The following ABHD3 variants were observed in gnomAD, a reference collection of about 807,000 sequenced individuals.
ABHD3 encodes abhydrolase domain containing 3, phospholipase.
ABHD3 carries 46 observed loss-of-function variants against 48.8 expected under a neutral mutation model. That is an observed-to-expected ratio of 0.94 (90% CI 0.74 to 1.20). The LOEUF is 1.20. ABHD3 is among the 50% of genes most tolerant of loss of function. ABHD3 has a pLI of 0.00. For synonymous variants in ABHD3, 192 were observed against 183.7 expected (o/e 1.04, Z -0.36); for missense variants, 490 against 497.8 (o/e 0.98, Z 0.15).
chr18:21,675,968 GAA>G lies in ABHD3; in HGVS notation c.555+7950_555+7951del, dbSNP rs569876733. On this transcript the variant is annotated intron_variant, in intron 4 of 8. Coordinates refer to ENST00000289119, the MANE Select transcript of ABHD3 (RefSeq NM_138340.5). Reference sequence around the variant, plus strand: ...ATTAATGGCAATGTATTATATACTTGAAAGTCTTCCCATGGTGGAGGGAGAAA... The same window carrying G: ...ATTAATGGCAATGTATTATATACTTGAGTCTTCCCATGGTGGAGGGAGAAA... 7.2e-3 allele frequency among the ~76,000 whole-genome samples: 1,092 copies of G among 152,230 alleles called. 7 individuals are homozygous for G. The highest frequency in any genetic ancestry group is 0.011 in the Non-Finnish European group (745 of 68,002).
intron 3 of ABHD3, among the ~76,000 whole-genome samples, chr18:21,684,777 C>T (rs796976901): frequency 5.9e-5 from 9 of 152,322 alleles, no homozygotes; most frequent in African/African-American, 2.2e-4. Flanking sequence ...GTAAACATCA[C>T]AGGTGAGCCA....
chr18:21,659,183 A>G lies in ABHD3; in HGVS notation c.829T>C (p.Ser277Pro). 2 of 1,613,264 alleles carry G rather than the reference A, an allele frequency of 1.2e-6. No individual in the cohort carries two copies. The highest frequency in any genetic ancestry group is 1.7e-6 in the Non-Finnish European group (2 of 1,179,770). Residue 277 changes from serine (S) to proline (P), a missense_variant, in exon 6 of 9, where the codon TCT (serine) becomes CCT (proline). Physicochemically the swap from Ser to Pro is moderately conservative, Grantham distance 74. Coordinates refer to ENST00000289119, the MANE Select transcript of ABHD3 (RefSeq NM_138340.5). ...FNYYLTTCLQ[S>P]SVNKHRHMFV... Reference sequence around the variant, plus strand: ...AAGATGACTCACTTATTAACTGAAGACTGAAGGCAGGTTGTCAAATAGTAA... The same window carrying G: ...AAGATGACTCACTTATTAACTGAAGGCTGAAGGCAGGTTGTCAAATAGTAA...
chr18:21,670,890 T>C (rs2039742464), intron 4 of ABHD3, among the ~76,000 whole-genome samples: 1 of 152,166 alleles, frequency 6.6e-6, no homozygotes, highest in Non-Finnish European at 1.5e-5. Flanking sequence ...GGCACATGCC[T>C]GTCATCCCAA....
At chr18:21,665,811 CAA>C (rs1260329047) in intron 4 of ABHD3, among the ~76,000 whole-genome samples, 16 of 106,318 alleles carry the variant, frequency 1.5e-4, no homozygotes, top group Admixed American at 4.0e-4. Context: ...GACTCCATCT[CAA>C]AAAAAAAAAA....
intron 8 of ABHD3, 112 bp from the exon 9 acceptor site, chr18:21,651,875 AT>A: frequency 1.1e-6 from 1 of 910,074 alleles, no homozygotes; most frequent in South Asian, 2.0e-5. Context: ...ATAAACAGAA[AT>A]CAAAACACCA....
intron 2 of ABHD3, 62 bp from the exon 3 acceptor site, chr18:21,702,560 A>T (rs202009123): frequency 4.4e-6 from 4 of 900,346 alleles, no homozygotes; most frequent in Non-Finnish European, 6.0e-6. Context: ...CTTAATTTTA[A>T]TTCTAAACAC....
intron 3 of ABHD3, among the ~76,000 whole-genome samples, chr18:21,700,090 T>A (rs901494084): frequency 1.1e-4 from 17 of 149,758 alleles, no homozygotes; most frequent in African/African-American, 4.1e-4. Flanking sequence ...TTATTTATTT[T>A]TATTTATTTA....
intron 3 of ABHD3, among the ~76,000 whole-genome samples, chr18:21,686,265 C>T (rs189173729): frequency 4.6e-4 from 70 of 152,326 alleles, no homozygotes; most frequent in African/African-American, 1.6e-3. Context: ...TTTCAGTTGG[C>T]CATTTGTATT....
rs753077350 is a variant in ABHD3, at chr18:21,656,939, G to T, written c.979C>A (p.Pro327Thr). Reference protein sequence around the residue: ...TIDDYYTDASPSPRLKSVGIP... With the variant: ...TIDDYYTDASTSPRLKSVGIP... ...CCTACTGACTTCAGTCTAGGACTCGGACTGGCATCAGTATAATAATCATCA... is the reference window on the plus strand; with the variant it reads ...CCTACTGACTTCAGTCTAGGACTCGTACTGGCATCAGTATAATAATCATCA... Residue 327 changes from proline to threonine, a missense_variant, in exon 8 of 9, where the codon CCG (proline) becomes ACG (threonine). Coordinates refer to ENST00000289119, the MANE Select transcript of ABHD3 (RefSeq NM_138340.5). 2.5e-6 allele frequency: 4 copies of T among 1,613,930 alleles called. No homozygotes were observed. The highest frequency in any genetic ancestry group is 3.4e-6 in the Non-Finnish European group (4 of 1,179,890).
chr18:21,701,035 G>A (rs2040502104), intron 3 of ABHD3, among the ~76,000 whole-genome samples: 1 of 149,928 alleles, frequency 6.7e-6, no homozygotes, highest in Admixed American at 6.7e-5. Context: ...ATGAATTCCT[G>A]CTACTGCTAA....
intron 3 of ABHD3, among the ~76,000 whole-genome samples, chr18:21,694,559 G>GT (rs1491501101): frequency 2.6e-5 from 4 of 152,162 alleles, no homozygotes; most frequent in African/African-American, 7.2e-5. Flanking sequence ...CAAAAAATTA[G>GT]TTTTTTCTCT....
At chr18:21,687,669 T>A (rs2040158446) in intron 3 of ABHD3, among the ~76,000 whole-genome samples, 1 of 152,098 alleles carries the variant, frequency 6.6e-6, no homozygotes, top group South Asian at 2.1e-4. Context: ...AAGGAAAACA[T>A]AAAGAGAAGA....
Position 21,664,221 on chromosome 18 carries a change from T to G in ABHD3, c.565A>C (p.Thr189Pro), listed in dbSNP as rs757978890. The change falls in exon 5 of 9, where the codon ACT (threonine) becomes CCT (proline). Residue 189 changes from threonine to proline, a missense_variant. By Grantham distance (38) the Thr-to-Pro change is conservative (BLOSUM62 -1). Transcript: ENST00000289119. ...TCTTCAGTGTTAGCACAACAATAAGTCCTTGGCGTCTGGAAGTAGTGACAA... is the reference window on the plus strand; with the variant it reads ...TCTTCAGTGTTAGCACAACAATAAGGCCTTGGCGTCTGGAAGTAGTGACAA... Reference protein sequence around the residue: ...VAGENLLTPRTYCCANTEDLE... With the variant: ...VAGENLLTPRPYCCANTEDLE... The G allele has an allele frequency of 3.7e-6, 6 of 1,612,798 alleles. No homozygotes were observed. The East Asian group carries it at 1.1e-4, about 30-fold the overall frequency.
At chr18:21,669,958 T>A (rs907286702) in intron 4 of ABHD3, among the ~76,000 whole-genome samples, 9 of 149,690 alleles carry the variant, frequency 6.0e-5, no homozygotes, top group African/African-American at 2.2e-4. Context: ...AGTGGCAGAG[T>A]GAGTCAGGAA....
chr18:21,669,817 CTCCTCAG>C (rs1391353707), intron 4 of ABHD3, among the ~76,000 whole-genome samples: 1 of 152,184 alleles, frequency 6.6e-6, no homozygotes, highest in African/African-American at 2.4e-5. Flanking sequence ...TAGCTTCTTC[CTCCTCAG>C]TGAAAGGAAA....
At chr18:21,661,183 C>T (rs574544319) in intron 5 of ABHD3, among the ~76,000 whole-genome samples, 2 of 146,376 alleles carry the variant, frequency 1.4e-5, no homozygotes, top group African/African-American at 5.0e-5. Flanking sequence ...AATGTATAGA[C>T]TTTTCCTGGC....
intron 4 of ABHD3, among the ~76,000 whole-genome samples, chr18:21,673,151 T>C (rs528726801): frequency 1.3e-5 from 2 of 152,312 alleles, no homozygotes; most frequent in South Asian, 4.1e-4. Context: ...GGCTATCACA[T>C]GCAGGACTAC....
At chr18:21,682,058 GC>G (rs1442814286) in intron 4 of ABHD3, 2 of 152,324 alleles carry the variant, frequency 1.3e-5, no homozygotes, top group Admixed American at 6.5e-5. Flanking sequence ...GATCACTTGA[GC>G]CCAGGCGGTC....
At chr18:21,666,396 G>A (rs1286758142) in intron 4 of ABHD3, among the ~76,000 whole-genome samples, 1 of 152,200 alleles carries the variant, frequency 6.6e-6, no homozygotes, top group Non-Finnish European at 1.5e-5. Context: ...GTTTCACCAT[G>A]TTGGCCAGGC....
Sources: allele counts gnomAD v4.1 joint callset (sites outside exome capture counted in the v4.1 genomes callset), GRCh38; gene constraint gnomAD v4.1.1; transcripts MANE v1.5; gene names NCBI Gene and HGNC (gene_info 2026-07-23, HGNC 2026-07-21).